Variants in BCR observed in about 807,000 individuals in gnomAD.
BCR encodes the protein BCR activator of RhoGEF and GTPase.
In BCR, 58 loss-of-function variants were observed where a neutral mutation model predicts 138.6. The ratio of observed to expected loss-of-function variants is 0.42; its 90% confidence interval spans 0.34 to 0.52. The LOEUF is 0.52. Among genes scored for constraint, BCR ranks in the 20% least tolerant of loss-of-function variants. The pLI is 0.06. For missense variants in BCR, 1,599 were observed against 1,727.2 expected, an observed-to-expected ratio of 0.93 and a Z score of 1.32; for synonymous variants, 786 against 730.1, an observed-to-expected ratio of 1.08 and a Z score of -1.23.
At chr22:23,296,373 CAAAAAAAAAA>C (rs996139532) in intron 16 of BCR, among the ~76,000 whole-genome samples, 6 of 56,686 alleles carry the variant, frequency 1.1e-4, no homozygotes, top group African/African-American at 1.9e-4. Flanking sequence ...GAGTCCGTCT[CAAAAAAAAAA>C]AAAAAAAAAA....
chr22:23,240,471 G>C lies in BCR; in HGVS notation c.1280-13328G>C, dbSNP rs190370844. Reference sequence around the variant, plus strand: ...TCGAGACCATCCTGACTAACACGGTGAAACCCCGTCTCTACTAAAAATACA... The same window carrying C: ...TCGAGACCATCCTGACTAACACGGTCAAACCCCGTCTCTACTAAAAATACA... On this transcript the variant is annotated intron_variant, in intron 1 of 22. Transcript: ENST00000305877. 1.8e-3 allele frequency among the ~76,000 whole-genome samples: 268 copies of C among 151,842 alleles called. 4 individuals are homozygous for C. Among genetic ancestry groups the C allele is most frequent in the African/African-American group, 6.3e-3 (261 of 41,416 alleles).
intron 13 of BCR, chr22:23,289,887 CT>C: frequency 1.8e-6 from 1 of 546,226 alleles, no homozygotes; most frequent in Non-Finnish European, 3.3e-6. Context: ...GCAGACGCTC[CT>C]CAGATGCTCT....
At position 23,264,204 on chromosome 22, in the gene BCR, C is replaced by T. The variant is rs114365479; in HGVS notation, c.1752+2664C>T. Reference sequence around the variant, plus strand: ...AGGTTCCTCCTTCTATAGCGTTGTACGGCTGTGGGACCGGCACCAAAGGGC... The same window carrying T: ...AGGTTCCTCCTTCTATAGCGTTGTATGGCTGTGGGACCGGCACCAAAGGGC... On this transcript the variant is annotated intron_variant, in intron 4 of 22. Coordinates refer to ENST00000305877, the MANE Select transcript of BCR (RefSeq NM_004327.4). 4.2e-4 allele frequency: 508 copies of T among 1,196,560 alleles called. 3 individuals are homozygous for T. In the African/African-American group the frequency reaches 6.7e-3, roughly 16 times the overall value. 74.1% of individuals were successfully genotyped at this position (1,196,560 alleles called of 1,614,324 possible).
chr22:23,252,432 C>CTTTTT (rs71200842), intron 1 of BCR, among the ~76,000 whole-genome samples: 21 of 117,920 alleles, frequency 1.8e-4, no homozygotes, highest in African/African-American at 3.8e-4. Context: ...CTTTTCTTTT[C>CTTTTT]TTTTTTTTTT....
At chr22:23,195,975 A>G (rs2072476402) in intron 1 of BCR, among the ~76,000 whole-genome samples, 1 of 152,220 alleles carries the variant, frequency 6.6e-6, no homozygotes, top group South Asian at 2.1e-4. Flanking sequence ...AAACATTGCC[A>G]TCTTCAAATC....
At chr22:23,285,343 G>T (rs1022586753) in intron 10 of BCR, 142 bp downstream of exon 10, 1 of 908,376 alleles carries the variant, frequency 1.1e-6, no homozygotes, top group Non-Finnish European at 1.6e-6. Flanking sequence ...TCAGCTCTTG[G>T]AGGGCTGGGC....
At chr22:23,237,666 G>T (rs918490483) in intron 1 of BCR, among the ~76,000 whole-genome samples, 1 of 152,228 alleles carries the variant, frequency 6.6e-6, no homozygotes, top group African/African-American at 2.4e-5. Flanking sequence ...TGGAAGTCAG[G>T]GTGGTGGCCT....
intron 1 of BCR, among the ~76,000 whole-genome samples, chr22:23,250,662 A>G (rs1189874477): frequency 1.3e-5 from 2 of 152,148 alleles, no homozygotes; most frequent in Non-Finnish European, 2.9e-5. Context: ...AGGGGATGGC[A>G]CGGCCTTCAT....
rs142280553 is a variant in BCR, at chr22:23,192,317, G to A, written c.1279+10078G>A. ...CTGGCGCTGCCTCTCTCCTCAGACTGAGTGGTTGTGTTAATCACATGAGAG... is the reference window on the plus strand; with the variant it reads ...CTGGCGCTGCCTCTCTCCTCAGACTAAGTGGTTGTGTTAATCACATGAGAG... On this transcript the variant is annotated intron_variant, in intron 1 of 22. Transcript: ENST00000305877. 6.5e-3 allele frequency among the ~76,000 whole-genome samples: 989 copies of A among 152,330 alleles called. 8 individuals carry two copies. Among genetic ancestry groups the A allele is most frequent in the Middle Eastern group, 0.017 (5 of 294 alleles).
In BCR at chr22:23,308,595, G is replaced by A. The variant is rs543027451; in HGVS notation, c.3013-829G>A. ...GCTGGGATTACAGGCGTGAGCCACC[G>A]CACCTGGCCAGGGAGGTGTATTTTT... On this transcript the variant is annotated intron_variant, in intron 16 of 22. Coordinates refer to ENST00000305877, the MANE Select transcript of BCR (RefSeq NM_004327.4). Among the ~76,000 whole-genome samples, 7 of 152,318 alleles carry A rather than the reference G, an allele frequency of 4.6e-5. No individual in the cohort carries two copies. In the South Asian group the frequency reaches 1.2e-3, roughly 27 times the overall value.
At chr22:23,194,432 A>G (rs187966013) in intron 1 of BCR, among the ~76,000 whole-genome samples, 17 of 137,994 alleles carry the variant, frequency 1.2e-4, no homozygotes, top group African/African-American at 4.6e-4. Flanking sequence ...TTTCTTTGAG[A>G]TGGGGTCTCG....
intron 1 of BCR, among the ~76,000 whole-genome samples, chr22:23,228,877 G>A (rs952800268): frequency 2.0e-5 from 3 of 151,910 alleles, no homozygotes; most frequent in African/African-American, 2.4e-5. Context: ...TGCATTTCTC[G>A]GGTCTGTAAA....
At chr22:23,254,367 G>A (rs1384737441) in intron 2 of BCR, among the ~76,000 whole-genome samples, 1 of 152,172 alleles carries the variant, frequency 6.6e-6, no homozygotes, top group East Asian at 1.9e-4. Context: ...GTGTGCTGAG[G>A]ATGGCTCCAT....
intron 8 of BCR, chr22:23,283,743 T>G: frequency 1.0e-5 from 5 of 498,110 alleles, no homozygotes; most frequent in Middle Eastern, 5.4e-4. Flanking sequence ...ACAGGAGGGA[T>G]TGGGAAATTT....
At chr22:23,197,818 G>A (rs543587422) in intron 1 of BCR, among the ~76,000 whole-genome samples, 32 of 152,208 alleles carry the variant, frequency 2.1e-4, no homozygotes, top group African/African-American at 7.2e-4. Context: ...CTTGAGGGGC[G>A]GTGGGGAGGA....
At chr22:23,203,111 T>G (rs1167733838) in intron 1 of BCR, among the ~76,000 whole-genome samples, 1 of 152,086 alleles carries the variant, frequency 6.6e-6, no homozygotes, top group Non-Finnish European at 1.5e-5. Flanking sequence ...CTGCCCGCCT[T>G]GGCTTCTCCT....
chr22:23,220,002 C>G (rs1046457061), intron 1 of BCR, among the ~76,000 whole-genome samples: 1 of 152,196 alleles, frequency 6.6e-6, no homozygotes, highest in East Asian at 1.9e-4. Context: ...GCTTCTGACT[C>G]GAAGGACACG....
intron 2 of BCR, 46 bp downstream of exon 2, chr22:23,254,026 C>T: frequency 6.4e-7 from 1 of 1,561,114 alleles, no homozygotes. Context: ...AGGTGAGGCT[C>T]CCTGAAGCGC....
At chr22:23,304,099 A>ATT (rs56805241) in intron 16 of BCR, among the ~76,000 whole-genome samples, 2,427 of 101,988 alleles carry the variant, frequency 0.024, 96 homozygotes, top group African/African-American at 0.064. Flanking sequence ...ATGCCAGGCT[A>ATT]TTTTTTTTTT....
Sources: allele counts gnomAD v4.1 joint callset (sites outside exome capture counted in the v4.1 genomes callset), GRCh38; gene constraint gnomAD v4.1.1; transcripts MANE v1.5; gene names NCBI Gene and HGNC (gene_info 2026-07-23, HGNC 2026-07-21).